Variants in VPS13D observed in about 807,000 individuals in gnomAD.
The protein encoded by VPS13D is vacuolar protein sorting 13 homolog D, also known as intermembrane lipid transfer protein VPS13D.
VPS13D carries 187 observed loss-of-function variants against 461.9 expected under a neutral mutation model. The ratio of observed to expected loss-of-function variants is 0.40; its 90% CI spans 0.36 to 0.46. The LOEUF (loss-of-function observed/expected upper bound fraction) is 0.46, where lower values mean the gene tolerates loss of function less well. Ranked by LOEUF, VPS13D falls within the 20% of genes least tolerant of loss-of-function variation. The probability of loss-of-function intolerance (pLI) is 0.60; values close to 1 mark genes in which losing one functional copy is unlikely to be tolerated. For synonymous variants in VPS13D, 1,951 were observed against 1,986.3 expected (o/e 0.98, Z 0.47); for missense variants, 4,711 against 5,364.9 (o/e 0.88, Z 3.81).
At position 12,356,532 on chromosome 1, in the gene VPS13D, C is replaced by T. The variant is rs759038023; in HGVS notation, c.9998+8C>T. On this transcript the variant is annotated splice_region_variant and intron_variant, in intron 49 of 69. Transcript: ENST00000620676. ...CAAAGAGCAGCCAAACCTGTGAGTA[C>T]AGTTATTTATGGGAAGGGGAAATAA... 10 of 1,610,118 alleles carry T rather than the reference C, an allele frequency of 6.2e-6. No individual in the cohort carries two copies. Among genetic ancestry groups the T allele is most frequent in the Admixed American group, 1.7e-5 (1 of 59,218 alleles).
At chr1:12,284,892 C>CTT (rs1641915637) in intron 21 of VPS13D, among the ~76,000 whole-genome samples, 1 of 152,192 alleles carries the variant, frequency 6.6e-6, no homozygotes, top group Non-Finnish European at 1.5e-5. Context: ...GCCTCTGGTA[C>CTT]TTTTGGTTTA....
chr1:12,314,340 G>T lies in VPS13D; in HGVS notation c.7148+13G>T. ...AACTACATTTCAGGTAGCAGGTCCA[G>T]ACCCTTCTCTGCCTTTCTTTGTGGA... On this transcript the variant is annotated intron_variant, in intron 30 of 69. Coordinates refer to ENST00000620676, the MANE Select transcript of VPS13D (RefSeq NM_015378.4). 2 of 1,603,476 alleles carry T rather than the reference G, an allele frequency of 1.2e-6. No homozygotes were observed. The highest frequency in any genetic ancestry group is 1.7e-6 in the Non-Finnish European group (2 of 1,171,544).
chr1:12,469,096 A>C (rs991889788), intron 67 of VPS13D, among the ~76,000 whole-genome samples: 5 of 152,102 alleles, frequency 3.3e-5, no homozygotes, highest in African/African-American at 4.8e-5. Context: ...CAAATTAATA[A>C]TGTTACTTAT....
rs747551968 is a variant in VPS13D at position 12,386,257 on chromosome 1, A to G, written c.11557A>G (p.Ser3853Gly). The G allele has an allele frequency of 1.2e-6, 2 of 1,613,878 alleles. No homozygotes were observed. Among genetic ancestry groups the G allele is most frequent in the Non-Finnish European group, 1.7e-6 (2 of 1,179,882 alleles). Residue 3853 changes from serine to glycine, a missense_variant, in exon 60 of 70, where the codon AGT (serine) becomes GGT (glycine). By Grantham distance (56) the Ser-to-Gly change is moderately conservative. This residue lies in a region of VPS13D where 4,411 missense variants were observed against 4,937.8 expected (regional missense o/e 0.89). Transcript: ENST00000620676. ...NKVPEELVFA[S>G]LTGINVHYTQ... The stretch of plus-strand genomic sequence containing the variant: ...AGTCCCAGAAGAACTGGTCTTTGCA[A>G]GTCTTACAGGAATCAATGTGCACTA...
At chr1:12,463,559 TG>T in intron 67 of VPS13D, among the ~76,000 whole-genome samples, 1 of 151,726 alleles carries the variant, frequency 6.6e-6, no homozygotes, top group Middle Eastern at 3.4e-3. Flanking sequence ...GAGACCAGCC[TG>T]GGCAACACAA....
chr1:12,330,972 GA>G (rs1161379101), intron 37 of VPS13D, among the ~76,000 whole-genome samples: 1 of 152,026 alleles, frequency 6.6e-6, no homozygotes. Context: ...CTGCTCCCTA[GA>G]AAAAACAAAA....
At chr1:12,372,794 C>G (rs1644138396) in intron 54 of VPS13D, among the ~76,000 whole-genome samples, 1 of 146,348 alleles carries the variant, frequency 6.8e-6, no homozygotes, top group Admixed American at 6.9e-5. Flanking sequence ...TGAATTAATC[C>G]ATTACCTTTT....
intron 37 of VPS13D, among the ~76,000 whole-genome samples, chr1:12,330,760 G>C (rs989868864): frequency 2.0e-5 from 3 of 151,960 alleles, no homozygotes; most frequent in African/African-American, 7.3e-5. Flanking sequence ...TAGAGATGGG[G>C]TTTCACCAGA....
At chr1:12,409,797 G>A in intron 63 of VPS13D, 1 of 446,582 alleles carries the variant, frequency 2.2e-6, no homozygotes. Flanking sequence ...GATCGTGGGG[G>A]CGGGGTTGGG....
intron 26 of VPS13D, among the ~76,000 whole-genome samples, chr1:12,306,321 C>T (rs954939474): frequency 2.0e-5 from 3 of 152,142 alleles, no homozygotes; most frequent in South Asian, 2.1e-4. Context: ...AGTTGGACTA[C>T]GAATTTTGGC....
intron 34 of VPS13D, 143 bp from the exon 35 acceptor site, chr1:12,323,563 C>T: frequency 5.8e-6 from 4 of 689,810 alleles, no homozygotes; most frequent in Non-Finnish European, 9.4e-6. Flanking sequence ...ATAGAATTCT[C>T]CAATTAGGAG....
intron 55 of VPS13D, among the ~76,000 whole-genome samples, chr1:12,374,359 G>C (rs1644168382): frequency 6.6e-6 from 1 of 152,116 alleles, no homozygotes; most frequent in African/African-American, 2.4e-5. Context: ...TAGAAAGTTT[G>C]ACATTTTAGG....
chr1:12,452,859 T>C (rs2100386796), intron 65 of VPS13D, among the ~76,000 whole-genome samples: 1 of 152,364 alleles, frequency 6.6e-6, no homozygotes, highest in East Asian at 1.9e-4. Context: ...TGAAGACTTT[T>C]GTAATGGTTG....
Position 12,246,504 on chromosome 1 carries a change from A to C in VPS13D, c.447+1887A>C, listed in dbSNP as rs189036208. Among the ~76,000 whole-genome samples, 17 of 152,270 alleles carry C rather than the reference A, an allele frequency of 1.1e-4. No homozygotes were observed. In the East Asian group the frequency reaches 1.7e-3, roughly 16 times the overall value. On this transcript the variant is annotated intron_variant, in intron 5 of 69. Transcript: ENST00000620676. ...ATGCAAATATTTCAAAATCCCCCCC[A>C]AAAATGAAATCCGGAACACTTCTTG...
chr1:12,493,211 G>A (rs1302475677), intron 67 of VPS13D, among the ~76,000 whole-genome samples: 4 of 150,908 alleles, frequency 2.7e-5, no homozygotes, highest in Admixed American at 6.6e-5. Flanking sequence ...AGGACTGGCC[G>A]GGTGCGGTGG....
At chr1:12,300,779 T>A (rs893680283) in intron 25 of VPS13D, among the ~76,000 whole-genome samples, 2 of 152,202 alleles carry the variant, frequency 1.3e-5, no homozygotes, top group African/African-American at 4.8e-5. Flanking sequence ...ATGGTCCGAT[T>A]AGTCCCCCTT....
intron 68 of VPS13D, among the ~76,000 whole-genome samples, chr1:12,498,999 G>T (rs1312234093): frequency 6.6e-6 from 1 of 152,152 alleles, no homozygotes; most frequent in Non-Finnish European, 1.5e-5. Flanking sequence ...AGGTTCTGCC[G>T]TTTCAGTCCA....
Position 12,497,586 on chromosome 1 carries a change from G to A in VPS13D, c.12749G>A (p.Gly4250Glu). 2 of 1,614,100 alleles carry A rather than the reference G, an allele frequency of 1.2e-6. No homozygotes were observed. Among genetic ancestry groups the A allele is most frequent in the Non-Finnish European group, 1.7e-6 (2 of 1,180,014 alleles). Residue 4250 changes from glycine to glutamate, a missense_variant, in exon 68 of 70, where the codon GGA (glycine) becomes GAA (glutamate). By Grantham distance (98) the Gly-to-Glu change is moderately conservative. Coordinates refer to ENST00000620676, the MANE Select transcript of VPS13D (RefSeq NM_015378.4). ...CGATATTCTGAGAGCCAGGCGGAAGGACAGGAGCAGCTCTTCAAACTCACA... is the reference window on the plus strand; with the variant it reads ...CGATATTCTGAGAGCCAGGCGGAAGAACAGGAGCAGCTCTTCAAACTCACA... ...LPRYSESQAE[G>E]QEQLFKLTDN...
Position 12,256,225 on chromosome 1 carries a change from A to G in VPS13D, c.670-108A>G, listed in dbSNP as rs1640916596. The G allele has an allele frequency of 2.4e-6, 3 of 1,276,198 alleles. No individual in the cohort carries two copies. The Admixed American group carries it at 7.0e-5, about 30-fold the overall frequency. 79.1% of individuals were successfully genotyped at this position (1,276,198 alleles called of 1,614,324 possible). ...ACAAAAATATTTGCCGCTGTGACAC[A>G]GCCTATGGCTGAGCTCCACTGTTTG... On this transcript the variant is annotated intron_variant, in intron 7 of 69. Transcript: ENST00000620676.
Sources: allele counts gnomAD v4.1 joint callset (sites outside exome capture counted in the v4.1 genomes callset), GRCh38; gene constraint gnomAD v4.1.1; regional missense constraint gnomAD v4.1.1; transcripts MANE v1.5; gene names NCBI Gene and HGNC (gene_info 2026-07-23, HGNC 2026-07-21).